Variants in RNF180 observed in about 807,000 individuals in gnomAD.
The protein encoded by RNF180 is ring finger protein 180, also known as E3 ubiquitin-protein ligase RNF180.
RNF180 carries 38 observed loss-of-function variants against 59.2 expected under a neutral mutation model. The ratio of observed to expected loss-of-function variants is 0.64; its 90% CI spans 0.50 to 0.84. The LOEUF is 0.84. RNF180 is among the 40% of genes least tolerant of loss of function. The pLI is 0.00. For synonymous variants in RNF180, 262 were observed against 240.3 expected, an observed-to-expected ratio of 1.09 and a Z score of -0.84; for missense variants, 705 against 700.9, an observed-to-expected ratio of 1.01 and a Z score of -0.07.
chr5:64,218,974 G>A (rs917838911), intron 5 of RNF180, among the ~76,000 whole-genome samples: 2 of 152,018 alleles, frequency 1.3e-5, no homozygotes, highest in Non-Finnish European at 2.9e-5. Flanking sequence ...TAATGCTGTT[G>A]CTAAATGCTA....
intron 2 of RNF180, 22 bp from the exon 3 acceptor site, chr5:64,212,043 A>G (rs1561191790): frequency 1.5e-6 from 2 of 1,311,790 alleles, no homozygotes; most frequent in East Asian, 2.3e-5. Flanking sequence ...AATTAGTAAT[A>G]TCATTTATTT....
chr5:64,267,933 T>C (rs370242169), intron 5 of RNF180, among the ~76,000 whole-genome samples: 3 of 152,282 alleles, frequency 2.0e-5, no homozygotes, highest in South Asian at 4.1e-4. Context: ...ACATTTATCA[T>C]TGAAGGATAT....
At chr5:64,327,758 A>G (rs1023339757) in intron 6 of RNF180, among the ~76,000 whole-genome samples, 1 of 152,128 alleles carries the variant, frequency 6.6e-6, no homozygotes, top group African/African-American at 2.4e-5. Context: ...CTGTTGGGTG[A>G]CATGTTCTGT....
chr5:64,336,363 G>A (rs1246982479), intron 7 of RNF180, among the ~76,000 whole-genome samples: 2 of 151,830 alleles, frequency 1.3e-5, no homozygotes, highest in Non-Finnish European at 2.9e-5. Flanking sequence ...GCTCTACTAA[G>A]GTGTGCATTT....
chr5:64,340,888 A>C (rs1745329374), intron 7 of RNF180, among the ~76,000 whole-genome samples: 1 of 152,112 alleles, frequency 6.6e-6, no homozygotes, highest in African/African-American at 2.4e-5. Flanking sequence ...TTTAAAAATT[A>C]TGAGCAGTGT....
chr5:64,352,954 A>G (rs182816351), intron 7 of RNF180, among the ~76,000 whole-genome samples: 91 of 151,980 alleles, frequency 6.0e-4, no homozygotes, highest in African/African-American at 2.1e-3. Context: ...AAATGGGGGA[A>G]CATATCTATC....
intron 1 of RNF180, among the ~76,000 whole-genome samples, chr5:64,179,635 C>A (rs1750460310): frequency 6.6e-6 from 1 of 152,090 alleles, no homozygotes; most frequent in African/African-American, 2.4e-5. Context: ...TATGAATGAA[C>A]AAATATTTAT....
At chr5:64,238,953 C>T (rs7712048) in intron 5 of RNF180, among the ~76,000 whole-genome samples, 68,637 of 151,904 alleles carry the variant, frequency 0.45, 17,020 homozygotes, top group African/African-American at 0.66. Flanking sequence ...CATTTCATCA[C>T]TCTGAGATAT....
chr5:64,306,686 A>T (rs891332639), intron 5 of RNF180, among the ~76,000 whole-genome samples: 4 of 151,732 alleles, frequency 2.6e-5, no homozygotes, highest in African/African-American at 9.7e-5. Context: ...GACATGGATG[A>T]AGCTGGAAAC....
chr5:64,292,754 T>C (rs1159432860), intron 5 of RNF180, among the ~76,000 whole-genome samples: 1 of 151,984 alleles, frequency 6.6e-6, no homozygotes, highest in Non-Finnish European at 1.5e-5. Flanking sequence ...CACAGAGATA[T>C]CAGCAGCCCC....
At chr5:64,359,239 A>G (rs1477512500) in intron 7 of RNF180, among the ~76,000 whole-genome samples, 3 of 146,956 alleles carry the variant, frequency 2.0e-5, no homozygotes, top group Non-Finnish European at 4.5e-5. Context: ...GAACTAGTTT[A>G]CAGTCCCACC....
At chr5:64,364,262 C>G (rs1341467516) in intron 7 of RNF180, among the ~76,000 whole-genome samples, 1 of 151,696 alleles carries the variant, frequency 6.6e-6, no homozygotes, top group South Asian at 2.1e-4. Flanking sequence ...CCTTCAATGC[C>G]TAGTTGGTTG....
intron 1 of RNF180, among the ~76,000 whole-genome samples, chr5:64,189,749 T>G (rs923852431): frequency 3.3e-5 from 5 of 152,218 alleles, no homozygotes; most frequent in Non-Finnish European, 7.3e-5. Context: ...AAGCATGTTT[T>G]GGAGAGGACA....
chr5:64,233,979 G>A (rs1467373336), intron 5 of RNF180, among the ~76,000 whole-genome samples: 4 of 152,120 alleles, frequency 2.6e-5, no homozygotes, highest in Non-Finnish European at 4.4e-5. Context: ...TTGGAGAGAG[G>A]CAGTATAATA....
intron 5 of RNF180, chr5:64,217,612 A>G (rs1320776497): frequency 1.5e-6 from 1 of 647,708 alleles, no homozygotes; most frequent in Non-Finnish European, 2.2e-6. Flanking sequence ...TGCTGAACAT[A>G]TGTGCTTATT....
chr5:64,242,278 C>T (rs191595790), intron 5 of RNF180, among the ~76,000 whole-genome samples: 1 of 152,304 alleles, frequency 6.6e-6, no homozygotes, highest in Admixed American at 6.5e-5. Flanking sequence ...TCTGTGAAGA[C>T]TGGAATAAGT....
intron 5 of RNF180, among the ~76,000 whole-genome samples, chr5:64,290,572 C>T (rs1057331385): frequency 6.6e-6 from 1 of 152,010 alleles, no homozygotes; most frequent in African/African-American, 2.4e-5. Flanking sequence ...TTATTGGGTA[C>T]ATATATATAT....
chr5:64,229,059 C>G (rs1227411411), intron 5 of RNF180, among the ~76,000 whole-genome samples: 2 of 151,502 alleles, frequency 1.3e-5, no homozygotes, highest in Non-Finnish European at 2.9e-5. Flanking sequence ...GTAGGTGCAA[C>G]TACAGGCACA....
rs75421057 is a variant in RNF180 at position 64,304,184 on chromosome 5, G to C, written c.1228-21002G>C. Among the ~76,000 whole-genome samples, 350 of 151,698 alleles carry C rather than the reference G, an allele frequency of 2.3e-3. 14 individuals carry two copies. In the East Asian group the frequency reaches 0.065, roughly 28 times the overall value. ...TCAGTGCTTGTTGACAGTGTACCTA[G>C]TCACCAGAGAGCTCTGCTGGAGGTG... On this transcript the variant is annotated intron_variant, in intron 5 of 7. Coordinates refer to ENST00000389100, the MANE Select transcript of RNF180 (RefSeq NM_001113561.2).
Sources: gnomAD v4.1 joint callset for allele counts (sites outside exome capture counted in the v4.1 genomes callset) on GRCh38, gnomAD v4.1.1 for gene constraint, MANE v1.5 for transcripts, NCBI Gene and HGNC (gene_info 2026-07-23, HGNC 2026-07-21) for gene names.